BAG5: variants seen among roughly 807,000 people sequenced by gnomAD.
The protein encoded by BAG5 is BAG cochaperone 5.
A neutral mutation model predicts 31.8 loss-of-function variants in BAG5; 25 were observed. The observed-to-expected ratio is 0.79, with a 90% CI of 0.57 to 1.10. The LOEUF (loss-of-function observed/expected upper bound fraction) is 1.10. Ranked by LOEUF, BAG5 falls within the 50% of genes least tolerant of loss-of-function variation. BAG5 has a pLI of 0.00. For synonymous variants in BAG5, 208 were observed against 205.0 expected, an observed-to-expected ratio of 1.01 and a Z score of -0.13; for missense variants, 491 against 527.9, an observed-to-expected ratio of 0.93 and a Z score of 0.68.
Position 103,560,573 on chromosome 14 carries a change from C to G in BAG5, c.592G>C (p.Gly198Arg). 1 of 1,614,122 alleles carries G rather than the reference C, an allele frequency of 6.2e-7. No homozygotes were observed. The highest frequency in any genetic ancestry group is 8.5e-7 in the Non-Finnish European group (1 of 1,180,032). ...CCCATCAGAAGTGCAATCAGGACCC[C>G]TCGGGCCTTGTTCACCTCACACATC... Reference protein sequence around the residue: ...FVMCEVNKARGVLIALLMGVN... With the variant: ...FVMCEVNKARRVLIALLMGVN... Residue 198 changes from glycine to arginine, a missense_variant, in exon 2 of 2, where the codon GGG becomes CGG. Physicochemically the swap from Gly to Arg is moderately radical, Grantham distance 125. Coordinates refer to ENST00000299204, the MANE Select transcript of BAG5 (RefSeq NM_001015048.3).
rs770361362 is a variant in BAG5, at chr14:103,560,601, G to T, written c.564C>A (p.Phe188Leu). The T allele has an allele frequency of 6.2e-6, 10 of 1,614,148 alleles. No individual in the cohort carries two copies. The highest frequency in any genetic ancestry group is 8.5e-6 in the Non-Finnish European group (10 of 1,180,022). Residue 188 changes from phenylalanine (F) to leucine (L), a missense_variant, in exon 2 of 2, where the codon TTC becomes TTA. Transcript: ENST00000299204. Reference protein sequence around the residue: ...DAHPSVAKINFVMCEVNKARG... With the variant: ...DAHPSVAKINLVMCEVNKARG... The stretch of plus-strand genomic sequence containing the variant: ...GGGCCTTGTTCACCTCACACATCAC[G>T]AAGTTGATTTTGGCAACGGAAGGAT...
intron 1 of BAG5, among the ~76,000 whole-genome samples, chr14:103,561,434 C>T (rs530334804): frequency 2.4e-4 from 36 of 152,230 alleles, no homozygotes; most frequent in African/African-American, 7.5e-4. Flanking sequence ...CGCCCGCCTC[C>T]GCCTCCCAAA....
At position 103,560,226 on chromosome 14, in the gene BAG5, T is replaced by C; in HGVS notation, c.939A>G (p.Leu313=). ...YLSSKTELQG[L]IGQLDEVSLE... Reference sequence around the variant, plus strand: ...GACTTACCTCATCCAACTGTCCAATTAAACCCTGCAATTCTGTTTTGGAGC... The same window carrying C: ...GACTTACCTCATCCAACTGTCCAATCAAACCCTGCAATTCTGTTTTGGAGC... The change falls in exon 2 of 2, where the codon TTA becomes TTG. Residue 313 remains leucine (L), a synonymous_variant. Transcript: ENST00000299204. 1 of 1,614,196 alleles carries C rather than the reference T, an allele frequency of 6.2e-7. No homozygotes were observed. The highest frequency in any genetic ancestry group is 1.1e-5 in the South Asian group (1 of 91,084).
rs745518703 is a variant in BAG5, at chr14:103,559,913, C to T, written c.1252G>A (p.Glu418Lys). The part of the protein sequence containing the change: ...ALDAVDPQGE[E>K]KCKAARKQAV... ...TGTTTCCTGGCAGCCTTACACTTCT[C>T]TTCTCCCTGCGGATCAACAGCATCC... The change falls in exon 2 of 2, where the codon GAG becomes AAG. Residue 418 changes from glutamate (E) to lysine (K), a missense_variant. Glu to Lys is a moderately conservative substitution (Grantham distance 56, BLOSUM62 1). Coordinates refer to ENST00000299204, the MANE Select transcript of BAG5 (RefSeq NM_001015048.3). 1 of 1,614,238 alleles carries T rather than the reference C, an allele frequency of 6.2e-7. No individual in the cohort carries two copies. The highest frequency in any genetic ancestry group is 2.2e-5 in the East Asian group (1 of 44,896).
In BAG5 at chr14:103,559,027, CTTAAT is replaced by C; in HGVS notation, c.*789_*793del. 6.6e-6 allele frequency: 1 copy of C among 150,794 alleles called. No homozygotes were observed. The highest frequency in any genetic ancestry group is 1.9e-4 in the East Asian group (1 of 5,160). 9.3% of individuals were successfully genotyped at this position (150,794 alleles called of 1,614,324 possible). Reference sequence around the variant, plus strand: ...TTTTTTTTTTTTAAAGGCCCATTAACTTAATTTAAATGTTCCCATCCTTATGAATT... The same window carrying C: ...TTTTTTTTTTTTAAAGGCCCATTAACTTAAATGTTCCCATCCTTATGAATT... On this transcript the variant is annotated 3_prime_UTR_variant, in exon 2 of 2. Coordinates refer to ENST00000299204, the MANE Select transcript of BAG5 (RefSeq NM_001015048.3).
Position 103,559,940 on chromosome 14 carries a change from G to A in BAG5, c.1225C>T (p.Leu409=). Residue 409 remains leucine (L), a synonymous_variant, in exon 2 of 2, where the codon CTG becomes TTG. Coordinates refer to ENST00000299204, the MANE Select transcript of BAG5 (RefSeq NM_001015048.3). Reference sequence around the variant, plus strand: ...TCTCCCTGCGGATCAACAGCATCCAGGGCTAGCAGCTGCTTGGTGAGCAGC... The same window carrying A: ...TCTCCCTGCGGATCAACAGCATCCAAGGCTAGCAGCTGCTTGGTGAGCAGC... ...EELLTKQLLA[L]DAVDPQGEEK... 2 of 1,614,220 alleles carry A rather than the reference G, an allele frequency of 1.2e-6. No individual in the cohort carries two copies. The highest frequency in any genetic ancestry group is 1.7e-6 in the Non-Finnish European group (2 of 1,180,054).
rs756420106 is a variant in BAG5, at chr14:103,560,425, TCTA to T, written c.737_739del (p.Val246del). 1.2e-6 allele frequency: 2 copies of T among 1,614,206 alleles called. No individual in the cohort carries two copies. Among genetic ancestry groups the T allele is most frequent in the Non-Finnish European group, 1.7e-6 (2 of 1,180,044 alleles). On this transcript the variant is annotated inframe_deletion, in exon 2 of 2. Transcript: ENST00000299204. ...ATATTTCAATAATTTGTTGATATCTTCTACTACCTCCCTCCGATAATTTCTGAT... is the reference window on the plus strand; with the variant it reads ...ATATTTCAATAATTTGTTGATATCTTCTACCTCCCTCCGATAATTTCTGAT...
chr14:103,559,951 T>A lies in BAG5; in HGVS notation c.1214A>T (p.Gln405Leu). Residue 405 changes from glutamine to leucine, a missense_variant, in exon 2 of 2, where the codon CAG becomes CTG. Physicochemically the swap from Gln to Leu is moderately radical, Grantham distance 113 (BLOSUM62 -2). Transcript: ENST00000299204. ...YIRLEELLTKQLLALDAVDPQ... is the reference protein window; with the variant it reads ...YIRLEELLTKLLLALDAVDPQ... Reference sequence around the variant, plus strand: ...ATCAACAGCATCCAGGGCTAGCAGCTGCTTGGTGAGCAGCTCTTCCAGCCG... The same window carrying A: ...ATCAACAGCATCCAGGGCTAGCAGCAGCTTGGTGAGCAGCTCTTCCAGCCG... The A allele has an allele frequency of 6.2e-7, 1 of 1,614,242 alleles. No individual in the cohort carries two copies. Among genetic ancestry groups the A allele is most frequent in the East Asian group, 2.2e-5 (1 of 44,882 alleles).
At position 103,560,610 on chromosome 14, in the gene BAG5, T is replaced by C. The variant is rs1297891664; in HGVS notation, c.555A>G (p.Lys185=). 1 of 1,614,086 alleles carries C rather than the reference T, an allele frequency of 6.2e-7. No individual in the cohort carries two copies. The highest frequency in any genetic ancestry group is 1.1e-5 in the South Asian group (1 of 91,068). ...LSEDAHPSVA[K]INFVMCEVNK... ...TCACCTCACACATCACGAAGTTGAT[T>C]TTGGCAACGGAAGGATGTGCATCCT... The change falls in exon 2 of 2, where the codon AAA becomes AAG. Residue 185 remains lysine, a synonymous_variant. Transcript: ENST00000299204.
intron 1 of BAG5, chr14:103,562,144 G>A (rs533803678): frequency 1.4e-5 from 9 of 650,788 alleles, no homozygotes; most frequent in Non-Finnish European, 2.5e-5. Flanking sequence ...TCCCGTGGCT[G>A]AGGTGGCGAG....
rs2076066618 is a variant in BAG5, at chr14:103,560,756, CAT to C, written c.407_408del (p.His136ArgfsTer2). Reference sequence around the variant, plus strand: ...AAGGAGATTTTTCCTCCAGTTTTAACATGTGTCAGCCTCAGAATGATATCTTG... The same window carrying C: ...AAGGAGATTTTTCCTCCAGTTTTAACGTGTCAGCCTCAGAATGATATCTTG... ...GIQDIILRLT[H>X]VKTGGKISLR... is the part of the protein sequence containing the mutation. On this transcript the variant is annotated frameshift_variant, in exon 2 of 2. Coordinates refer to ENST00000299204, the MANE Select transcript of BAG5 (RefSeq NM_001015048.3). LOFTEE classifies it high-confidence loss of function. The C allele has an allele frequency of 3.7e-6, 6 of 1,614,110 alleles. No individual in the cohort carries two copies. Among genetic ancestry groups the C allele is most frequent in the Non-Finnish European group, 5.1e-6 (6 of 1,180,034 alleles).
Position 103,559,524 on chromosome 14 carries a change from C to T in BAG5, c.*297G>A. 1 of 301,554 alleles carries T rather than the reference C, an allele frequency of 3.3e-6. No homozygotes were observed. Among genetic ancestry groups the T allele is most frequent in the South Asian group, 4.8e-5 (1 of 20,944 alleles). The allele number at this position is 301,554 out of a possible 1,614,324, so 18.7% of individuals were successfully genotyped here. ...ACCTGCATTTTAATGCTTGCACAACCCATTTAAAATCTACAAAAGCTGCCT... is the reference window on the plus strand; with the variant it reads ...ACCTGCATTTTAATGCTTGCACAACTCATTTAAAATCTACAAAAGCTGCCT... On this transcript the variant is annotated 3_prime_UTR_variant, in exon 2 of 2. Transcript: ENST00000299204.
At position 103,559,343 on chromosome 14, in the gene BAG5, G is replaced by A. The variant is rs1274289742; in HGVS notation, c.*478C>T. ...CGTTAAGCTGGGTAGGACCAATCAG[G>A]CCTTATAAGTGAAAAAAAAGCCTTC... On this transcript the variant is annotated 3_prime_UTR_variant, in exon 2 of 2. Coordinates refer to ENST00000299204, the MANE Select transcript of BAG5 (RefSeq NM_001015048.3). 1 of 155,534 alleles carries A rather than the reference G, an allele frequency of 6.4e-6. No homozygotes were observed. Among genetic ancestry groups the A allele is most frequent in the East Asian group, 1.9e-4 (1 of 5,334 alleles). The allele number at this position is 155,534 out of a possible 1,614,324, so 9.6% of individuals were successfully genotyped here. A position where few individuals can be genotyped will look rare whatever the true frequency, so the allele number is the denominator to read the frequency against.
chr14:103,560,676 G>T lies in BAG5; in HGVS notation c.489C>A (p.Ile163=). 2.5e-6 allele frequency: 4 copies of T among 1,614,116 alleles called. No individual in the cohort carries two copies. The highest frequency in any genetic ancestry group is 3.4e-6 in the Non-Finnish European group (4 of 1,180,020). The change falls in exon 2 of 2, where the codon ATC becomes ATA. Residue 163 remains isoleucine (I), a synonymous_variant. Coordinates refer to ENST00000299204, the MANE Select transcript of BAG5 (RefSeq NM_001015048.3). ...AAGGCTGCTTTTTCATGCAGTCTTC[G>T]ATTATCTCTTGCACCGCACAGATTT... ...LTKICAVQEI[I]EDCMKKQPSL...
chr14:103,559,583 A>G lies in BAG5; in HGVS notation c.*238T>C. ...TTTTCTGATTAAAAACGCAAAAAAA[A>G]GGACAAACCAAACAAACCACACCAC... On this transcript the variant is annotated 3_prime_UTR_variant, in exon 2 of 2. Transcript: ENST00000299204. 1 of 461,216 alleles carries G rather than the reference A, an allele frequency of 2.2e-6. No individual in the cohort carries two copies. The allele number at this position is 461,216 out of a possible 1,614,324, so 28.6% of individuals were successfully genotyped here.
In BAG5 at chr14:103,560,204, T is replaced by C; in HGVS notation, c.961A>G (p.Ser321Gly). 1 of 1,614,192 alleles carries C rather than the reference T, an allele frequency of 6.2e-7. No individual in the cohort carries two copies. Among genetic ancestry groups the C allele is most frequent in the Non-Finnish European group, 8.5e-7 (1 of 1,180,028 alleles). ...CGGATGCAGGGGTTTTTTTCAAGAC[T>C]TACCTCATCCAACTGTCCAATTAAA... ...QGLIGQLDEV[S>G]LEKNPCIREA... Residue 321 changes from serine (S) to glycine (G), a missense_variant, in exon 2 of 2, where the codon AGT becomes GGT. Physicochemically the swap from Ser to Gly is moderately conservative, Grantham distance 56. Coordinates refer to ENST00000299204, the MANE Select transcript of BAG5 (RefSeq NM_001015048.3).
rs1277915361 is a variant in BAG5, at chr14:103,561,165, A to G, written c.-1T>C. On this transcript the variant is annotated 5_prime_UTR_variant, in exon 2 of 2. Transcript: ENST00000299204. Reference sequence around the variant, plus strand: ...AAGGATGTTGGTTTCCCATATCCATACTTTTGTTGTGTTCAGTTTCACAAG... The same window carrying G: ...AAGGATGTTGGTTTCCCATATCCATGCTTTTGTTGTGTTCAGTTTCACAAG... 4.4e-6 allele frequency: 7 copies of G among 1,595,404 alleles called. No individual in the cohort carries two copies. The highest frequency in any genetic ancestry group is 5.9e-6 in the Non-Finnish European group (7 of 1,178,316).
At position 103,560,369 on chromosome 14, in the gene BAG5, T is replaced by C; in HGVS notation, c.796A>G (p.Lys266Glu). Residue 266 changes from lysine (K) to glutamate (E), a missense_variant, in exon 2 of 2, where the codon AAA becomes GAA. By Grantham distance (56) the Lys-to-Glu change is moderately conservative. Transcript: ENST00000299204. Reference sequence around the variant, plus strand: ...TGATTCTGTCTCAGGTCAAATGCTTTAGTTGTGTCTGCTTCCTCTTCCAAA... The same window carrying C: ...TGATTCTGTCTCAGGTCAAATGCTTCAGTTGTGTCTGCTTCCTCTTCCAAA... ...LDLEEEADTT[K>E]AFDLRQNHSI... 1 of 1,614,226 alleles carries C rather than the reference T, an allele frequency of 6.2e-7. No individual in the cohort carries two copies. The highest frequency in any genetic ancestry group is 1.1e-5 in the South Asian group (1 of 91,082).
intron 1 of BAG5, chr14:103,561,765 A>G: frequency 1.6e-6 from 1 of 624,206 alleles, no homozygotes; most frequent in Non-Finnish European, 2.9e-6. Context: ...AAAACCCCAC[A>G]GGTAAAGAAG....
Sources: allele counts gnomAD v4.1 joint callset (sites outside exome capture counted in the v4.1 genomes callset), GRCh38; gene constraint gnomAD v4.1.1; transcripts MANE v1.5; gene names NCBI Gene and HGNC (gene_info 2026-07-23, HGNC 2026-07-21).